MACROD2: variants seen among roughly 807,000 people sequenced by gnomAD.
The protein encoded by MACROD2 is ADP-ribose glycohydrolase MACROD2.
In MACROD2, 36 loss-of-function variants were observed where a neutral mutation model predicts 70.4. The ratio of observed to expected loss-of-function variants is 0.51; its 90% CI spans 0.39 to 0.68. MACROD2 has a LOEUF of 0.68. Among genes scored for constraint, MACROD2 ranks in the 30% least tolerant of loss-of-function variants. The probability of loss-of-function intolerance (pLI) is 0.00; values close to 1 mark genes in which losing one functional copy is unlikely to be tolerated. For missense variants in MACROD2, 496 were observed against 538.4 expected (o/e 0.92, Z 0.78); for synonymous variants, 172 against 178.8 (o/e 0.96, Z 0.30).
At position 14,678,207 on chromosome 20, in the gene MACROD2, A is replaced by G. The variant is rs545506516; in HGVS notation, c.302-6636A>G. On this transcript the variant is annotated intron_variant, in intron 4 of 17. Coordinates refer to ENST00000684519, the MANE Select transcript of MACROD2 (RefSeq NM_001351661.2). ...CAGCCTGCAGACAATGGAAGGTCATATGGAGGACCTTGTGCAGGATTTTTA... is the reference window on the plus strand; with the variant it reads ...CAGCCTGCAGACAATGGAAGGTCATGTGGAGGACCTTGTGCAGGATTTTTA... Among the ~76,000 whole-genome samples, 315 of 152,292 alleles carry G rather than the reference A, an allele frequency of 2.1e-3. 2 individuals are homozygous for G. The highest frequency in any genetic ancestry group is 7.1e-3 in the African/African-American group (294 of 41,574).
chr20:14,030,144 C>A (rs1399267100), intron 2 of MACROD2, among the ~76,000 whole-genome samples: 1 of 152,206 alleles, frequency 6.6e-6, no homozygotes, highest in Non-Finnish European at 1.5e-5. Flanking sequence ...ACCATCCTTC[C>A]ACTCCTAGCT....
intron 8 of MACROD2, among the ~76,000 whole-genome samples, chr20:15,836,860 C>T (rs996158533): frequency 7.2e-5 from 11 of 152,102 alleles, no homozygotes; most frequent in African/African-American, 7.2e-5. Context: ...AGCAAGTAGA[C>T]CACAGCTATT....
chr20:14,156,711 C>A (rs950333818), intron 3 of MACROD2, among the ~76,000 whole-genome samples: 1 of 152,056 alleles, frequency 6.6e-6, no homozygotes, highest in South Asian at 2.1e-4. Flanking sequence ...TTAACCTTTG[C>A]GTAATTTCTG....
At chr20:15,555,828 C>CAAAAAAAAAAAAAAAAAAAAAA (rs397838341) in intron 8 of MACROD2, among the ~76,000 whole-genome samples, 2 of 18,568 alleles carry the variant, frequency 1.1e-4, no homozygotes, top group African/African-American at 1.7e-4. Flanking sequence ...GACTCCATCT[C>CAAAAAAAAAAAAAAAAAAAAAA]AAAAAAAAAA....
intron 4 of MACROD2, among the ~76,000 whole-genome samples, chr20:14,591,075 A>G (rs1182762292): frequency 1.3e-5 from 2 of 152,192 alleles, no homozygotes; most frequent in Admixed American, 6.5e-5. Flanking sequence ...ATATCCTTCA[A>G]GAAAGAAATG....
At chr20:15,573,369 G>A (rs2048400923) in intron 8 of MACROD2, among the ~76,000 whole-genome samples, 1 of 152,076 alleles carries the variant, frequency 6.6e-6, no homozygotes, top group South Asian at 2.1e-4. Context: ...AAGAAGGGCT[G>A]GCATCAGCTT....
chr20:14,794,163 G>C (rs2072484003), intron 5 of MACROD2, among the ~76,000 whole-genome samples: 1 of 152,166 alleles, frequency 6.6e-6, no homozygotes, highest in Middle Eastern at 3.4e-3. Flanking sequence ...GAACTCACTG[G>C]CTCCTTTCAT....
At chr20:15,760,943 C>A (rs2051427086) in intron 8 of MACROD2, among the ~76,000 whole-genome samples, 1 of 152,074 alleles carries the variant, frequency 6.6e-6, no homozygotes, top group Non-Finnish European at 1.5e-5. Context: ...TTAAATGAAA[C>A]CTAGAAAGGA....
At chr20:14,880,597 A>G (rs1019081841) in intron 5 of MACROD2, among the ~76,000 whole-genome samples, 1 of 152,174 alleles carries the variant, frequency 6.6e-6, no homozygotes, top group Non-Finnish European at 1.5e-5. Flanking sequence ...TCCTCTGCTC[A>G]GCACTATTCA....
intron 5 of MACROD2, among the ~76,000 whole-genome samples, chr20:14,748,473 C>G (rs946507793): frequency 2.0e-5 from 3 of 152,052 alleles, no homozygotes; most frequent in African/African-American, 7.3e-5. Flanking sequence ...CACGAACTAT[C>G]AAGAAGCAGA....
chr20:15,431,257 C>A, intron 6 of MACROD2, 148 bp from the exon 7 acceptor site: 1 of 575,820 alleles, frequency 1.7e-6, no homozygotes, highest in Non-Finnish European at 3.0e-6. Context: ...CAAATATCCC[C>A]ATTTCCAGTG....
At chr20:15,034,050 A>C (rs1488512304) in intron 5 of MACROD2, among the ~76,000 whole-genome samples, 2 of 152,226 alleles carry the variant, frequency 1.3e-5, no homozygotes, top group East Asian at 1.9e-4. Flanking sequence ...CACAAAATAT[A>C]CAGGAAGATA....
intron 4 of MACROD2, among the ~76,000 whole-genome samples, chr20:14,499,534 TA>T (rs373032585): frequency 1.1e-4 from 17 of 149,516 alleles, no homozygotes; most frequent in African/African-American, 2.2e-4. Context: ...CCCTGTCTCT[TA>T]AAAAAAAAAT....
At chr20:14,004,601 T>G (rs111512703) in intron 2 of MACROD2, among the ~76,000 whole-genome samples, 2,912 of 152,292 alleles carry the variant, frequency 0.019, 37 homozygotes, top group Non-Finnish European at 0.032. Flanking sequence ...TGTTACCTAT[T>G]CAGTGCTCAG....
intron 3 of MACROD2, among the ~76,000 whole-genome samples, chr20:14,135,853 T>C (rs936656778): frequency 2.0e-5 from 3 of 152,200 alleles, no homozygotes; most frequent in Non-Finnish European, 2.9e-5. Context: ...AAGGGAACTT[T>C]AGGGATATCT....
intron 2 of MACROD2, among the ~76,000 whole-genome samples, chr20:14,037,799 G>A (rs1192878561): frequency 6.6e-6 from 1 of 151,662 alleles, no homozygotes; most frequent in Non-Finnish European, 1.5e-5. Flanking sequence ...CGGGTGGATG[G>A]TTTGAGCCCA....
At chr20:15,287,117 C>T (rs1255894080) in intron 6 of MACROD2, among the ~76,000 whole-genome samples, 1 of 152,000 alleles carries the variant, frequency 6.6e-6, no homozygotes, top group African/African-American at 2.4e-5. Context: ...GGTTATTTTC[C>T]ATAAATTCAA....
intron 5 of MACROD2, among the ~76,000 whole-genome samples, chr20:14,786,751 A>G (rs544571485): frequency 1.3e-5 from 2 of 152,162 alleles, no homozygotes; most frequent in African/African-American, 4.8e-5. Flanking sequence ...ATGATCACCT[A>G]TCTCTTCAGA....
chr20:15,861,560 G>A (rs577876584), intron 8 of MACROD2, among the ~76,000 whole-genome samples: 1 of 152,316 alleles, frequency 6.6e-6, no homozygotes, highest in East Asian at 1.9e-4. Context: ...CATGGTCTTT[G>A]ATGATTACAG....
Sources: gnomAD v4.1 joint callset for allele counts (sites outside exome capture counted in the v4.1 genomes callset) on GRCh38, gnomAD v4.1.1 for gene constraint, MANE v1.5 for transcripts, NCBI Gene and HGNC (gene_info 2026-07-23, HGNC 2026-07-21) for gene names.